ZNF714: variants seen among roughly 807,000 people sequenced by gnomAD.
ZNF714 encodes the protein zinc finger protein 714.
In ZNF714, 32 loss-of-function variants were observed where a neutral mutation model predicts 46.2. The observed-to-expected ratio is 0.69, with a 90% CI of 0.52 to 0.93. The LOEUF (loss-of-function observed/expected upper bound fraction) is 0.93. Ranked by LOEUF, ZNF714 falls within the 40% of genes least tolerant of loss-of-function variation. The probability of loss-of-function intolerance (pLI) is 0.00; values close to 1 mark genes in which losing one functional copy is unlikely to be tolerated. For missense variants in ZNF714, 635 were observed against 646.3 expected (o/e 0.98, Z 0.19); for synonymous variants, 199 against 213.1 (o/e 0.93, Z 0.58).
At chr19:21,090,869 CTCCTTT>C (rs1968891736) in intron 2 of ZNF714, 1 of 121,758 alleles carries the variant, frequency 8.2e-6, no homozygotes, top group Non-Finnish European at 1.7e-5. Context: ...ATTTATGCCT[CTCCTTT>C]TTTTTTTTTT....
intron 2 of ZNF714, among the ~76,000 whole-genome samples, chr19:21,096,694 G>T (rs1199160950): frequency 1.3e-5 from 2 of 152,108 alleles, no homozygotes; most frequent in Non-Finnish European, 2.9e-5. Flanking sequence ...TTTTGTGGCT[G>T]CTGAACATGG....
At chr19:21,104,817 G>A (rs900683195) in intron 4 of ZNF714, among the ~76,000 whole-genome samples, 1 of 151,598 alleles carries the variant, frequency 6.6e-6, no homozygotes, top group Non-Finnish European at 1.5e-5. Flanking sequence ...TTTTCACCAT[G>A]TTGGCCAGGC....
At position 21,124,872 on chromosome 19, in the gene ZNF714, G is replaced by A. The variant is rs1969768004; in HGVS notation, c.*6540G>A. ...ATGAAATATTAATCTTTCTGTGCCT[G>A]GCCTATCCCAACTAATATAATGTCC... On this transcript the variant is annotated 3_prime_UTR_variant, in exon 5 of 5. Transcript: ENST00000456283. The A allele has an allele frequency of 6.6e-6, 1 of 151,362 alleles. No individual in the cohort carries two copies. The highest frequency in any genetic ancestry group is 2.1e-4 in the South Asian group (1 of 4,754). 9.4% of individuals were successfully genotyped at this position (151,362 alleles called of 1,614,324 possible).
At chr19:21,107,662 A>G (rs970522022) in intron 4 of ZNF714, among the ~76,000 whole-genome samples, 2 of 152,186 alleles carry the variant, frequency 1.3e-5, no homozygotes, top group East Asian at 3.8e-4. Context: ...CCATTGAACA[A>G]AAATACGTTG....
At chr19:21,116,493 A>G (rs1041876574) in intron 4 of ZNF714, among the ~76,000 whole-genome samples, 3 of 152,186 alleles carry the variant, frequency 2.0e-5, no homozygotes, top group Non-Finnish European at 2.9e-5. Flanking sequence ...GAAAGGCAGT[A>G]TGTTATATTG....
chr19:21,118,118 A>G lies in ZNF714; in HGVS notation c.1454A>G (p.Glu485Gly). ...HTGEKSYKCE[E>G]CGKAFNQSST... ...GGAGAGAAATCTTACAAATGTGAAG[A>G]ATGTGGTAAAGCCTTTAACCAATCC... The change falls in exon 5 of 5, where the codon GAA (glutamate) becomes GGA (glycine). Residue 485 changes from glutamate (E) to glycine (G), a missense_variant. Glu to Gly is a moderately conservative substitution (Grantham distance 98). Transcript: ENST00000456283. 6.2e-7 allele frequency: 1 copy of G among 1,613,934 alleles called. No homozygotes were observed. The highest frequency in any genetic ancestry group is 8.5e-7 in the Non-Finnish European group (1 of 1,179,852).
rs1015015939 is a variant in ZNF714 at position 21,118,716 on chromosome 19, A to C, written c.*384A>C. 4.7e-6 allele frequency: 1 copy of C among 212,252 alleles called. No homozygotes were observed. Among genetic ancestry groups the C allele is most frequent in the Non-Finnish European group, 9.8e-6 (1 of 101,712 alleles). 13.1% of individuals were successfully genotyped at this position (212,252 alleles called of 1,614,324 possible). A position where few individuals can be genotyped will look rare whatever the true frequency, so the allele number is the denominator to read the frequency against. ...TTAACAAGCCCTCAATTCTTAACAG[A>C]CATAACATAATTCATACTGGAAAGA... On this transcript the variant is annotated 3_prime_UTR_variant, in exon 5 of 5. Transcript: ENST00000456283.
In ZNF714 at chr19:21,118,080, C is replaced by G. The variant is rs775538323; in HGVS notation, c.1416C>G (p.Asn472Lys). The G allele has an allele frequency of 1.2e-6, 2 of 1,613,130 alleles. No individual in the cohort carries two copies. The highest frequency in any genetic ancestry group is 1.7e-4 in the Middle Eastern group (1 of 6,058). ...FNRSSNLTKHNIIHTGEKSYK... is the reference protein window; with the variant it reads ...FNRSSNLTKHKIIHTGEKSYK... ...GATCCTCAAACCTTACTAAACATAA[C>G]ATAATTCATACTGGAGAGAAATCTT... The change falls in exon 5 of 5, where the codon AAC (asparagine) becomes AAG (lysine). Residue 472 changes from asparagine (N) to lysine (K), a missense_variant. Physicochemically the swap from Asn to Lys is moderately conservative, Grantham distance 94. Coordinates refer to ENST00000456283, the MANE Select transcript of ZNF714 (RefSeq NM_182515.4).
At chr19:21,096,663 C>A in intron 2 of ZNF714, among the ~76,000 whole-genome samples, 1 of 152,148 alleles carries the variant, frequency 6.6e-6, no homozygotes, top group Non-Finnish European at 1.5e-5. Context: ...AATTTATGAT[C>A]TGCCATATTA....
intron 4 of ZNF714, among the ~76,000 whole-genome samples, chr19:21,101,330 A>G (rs1218721999): frequency 6.6e-6 from 1 of 152,086 alleles, no homozygotes; most frequent in Non-Finnish European, 1.5e-5. Context: ...TGTAGTGAAG[A>G]GGGGTTGTAG....
intron 4 of ZNF714, among the ~76,000 whole-genome samples, chr19:21,103,635 C>T (rs1310463314): frequency 1.3e-5 from 2 of 152,092 alleles, no homozygotes; most frequent in African/African-American, 2.4e-5. Flanking sequence ...CAGGGCCAGA[C>T]GTGGTGGCTC....
intron 4 of ZNF714, among the ~76,000 whole-genome samples, chr19:21,100,669 T>C (rs547496595): frequency 6.6e-6 from 1 of 152,284 alleles, no homozygotes; most frequent in Admixed American, 6.5e-5. Flanking sequence ...CGTATGTTAA[T>C]TTTATATTTT....
In ZNF714 at chr19:21,098,886, T is replaced by C. The variant is rs770436322; in HGVS notation, c.118T>C (p.Cys40Arg). The C allele has an allele frequency of 5.6e-6, 9 of 1,610,140 alleles. No homozygotes were observed. The highest frequency in any genetic ancestry group is 5.4e-5 in the African/African-American group (4 of 74,476). The change falls in exon 4 of 5, where the codon TGT becomes CGT. Residue 40 changes from cysteine to arginine, a missense_variant. Coordinates refer to ENST00000456283, the MANE Select transcript of ZNF714 (RefSeq NM_182515.4). ...QEKEPWNMKI[C>R]EMVDESPAMC... ...AAAAGAGCCCTGGAATATGAAGATATGTGAGATGGTGGATGAATCCCCAGG... is the reference window on the plus strand; with the variant it reads ...AAAAGAGCCCTGGAATATGAAGATACGTGAGATGGTGGATGAATCCCCAGG...
At chr19:21,104,196 T>C (rs1969256985) in intron 4 of ZNF714, among the ~76,000 whole-genome samples, 1 of 151,750 alleles carries the variant, frequency 6.6e-6, no homozygotes, top group South Asian at 2.1e-4. Context: ...TCTTTGATTA[T>C]ATTTGATTTA....
At chr19:21,109,281 T>A (rs1969393193) in intron 4 of ZNF714, among the ~76,000 whole-genome samples, 1 of 152,188 alleles carries the variant, frequency 6.6e-6, no homozygotes, top group Non-Finnish European at 1.5e-5. Context: ...TGCAGTGGCA[T>A]GATCATGACT....
Position 21,119,130 on chromosome 19 carries a change from C to T in ZNF714, c.*798C>T, listed in dbSNP as rs772622883. 1.8e-5 allele frequency: 8 copies of T among 451,094 alleles called. No individual in the cohort carries two copies. Among genetic ancestry groups the T allele is most frequent in the East Asian group, 7.2e-5 (1 of 13,828 alleles). 27.9% of individuals were successfully genotyped at this position (451,094 alleles called of 1,614,324 possible). A position where few individuals can be genotyped will look rare whatever the true frequency, so the allele number is the denominator to read the frequency against. On this transcript the variant is annotated 3_prime_UTR_variant, in exon 5 of 5. Coordinates refer to ENST00000456283, the MANE Select transcript of ZNF714 (RefSeq NM_182515.4). ...CAGAAAATACAAGCTTTTGACCAGGCGTGGTGGCTCAGGCCTATAATCCCA... is the reference window on the plus strand; with the variant it reads ...CAGAAAATACAAGCTTTTGACCAGGTGTGGTGGCTCAGGCCTATAATCCCA...
chr19:21,117,481 A>C lies in ZNF714; in HGVS notation c.817A>C (p.Thr273Pro). The change falls in exon 5 of 5, where the codon ACT becomes CCT. Residue 273 changes from threonine (T) to proline (P), a missense_variant. Coordinates refer to ENST00000456283, the MANE Select transcript of ZNF714 (RefSeq NM_182515.4). ...GKAFNHPSAL[T>P]THKFIHVKEK... is the part of the protein sequence containing the mutation. ...AGCTTTTAACCACCCTTCAGCCCTT[A>C]CTACACATAAGTTCATTCATGTTAA... is the stretch of plus-strand genomic sequence containing the variant. 6.2e-7 allele frequency: 1 copy of C among 1,610,704 alleles called. No individual in the cohort carries two copies. Among genetic ancestry groups the C allele is most frequent in the South Asian group, 1.1e-5 (1 of 90,866 alleles).
intron 4 of ZNF714, among the ~76,000 whole-genome samples, chr19:21,101,383 A>T (rs2144848565): frequency 6.6e-6 from 1 of 152,240 alleles, no homozygotes; most frequent in East Asian, 1.9e-4. Flanking sequence ...ATCCACCTTT[A>T]GATGGTTTGT....
chr19:21,117,855 C>T lies in ZNF714; in HGVS notation c.1191C>T (p.Tyr397=). The T allele has an allele frequency of 1.9e-6, 3 of 1,613,162 alleles. No individual in the cohort carries two copies. The highest frequency in any genetic ancestry group is 1.3e-5 in the African/African-American group (1 of 75,052). Residue 397 remains tyrosine, a synonymous_variant, in exon 5 of 5, where the codon TAC becomes TAT. Coordinates refer to ENST00000456283, the MANE Select transcript of ZNF714 (RefSeq NM_182515.4). ...HKIIHTGEKP[Y]KCEECGKAFN... ...TAATTCATACTGGAGAGAAACCTTACAAATGTGAAGAATGTGGCAAAGCTT... is the reference window on the plus strand; with the variant it reads ...TAATTCATACTGGAGAGAAACCTTATAAATGTGAAGAATGTGGCAAAGCTT...
Sources: gnomAD v4.1 joint callset for allele counts (sites outside exome capture counted in the v4.1 genomes callset) on GRCh38, gnomAD v4.1.1 for gene constraint, MANE v1.5 for transcripts, NCBI Gene and HGNC (gene_info 2026-07-23, HGNC 2026-07-21) for gene names.